ME3: variants seen among roughly 807,000 people sequenced by gnomAD.
ME3 encodes NADP-dependent malic enzyme, mitochondrial.
ME3 carries 48 observed loss-of-function variants against 68.9 expected under a neutral mutation model. The observed-to-expected ratio is 0.70, with a 90% CI of 0.55 to 0.89. The LOEUF is 0.89. Ranked by LOEUF, ME3 falls within the 40% of genes least tolerant of loss-of-function variation. The probability of loss-of-function intolerance (pLI) is 0.00; values close to 1 mark genes in which losing one functional copy is unlikely to be tolerated. For missense variants in ME3, 675 were observed against 797.4 expected, an observed-to-expected ratio of 0.85 and a Z score of 1.85; for synonymous variants, 320 against 318.8, an observed-to-expected ratio of 1.00 and a Z score of -0.04.
chr11:86,639,992 G>A (rs369786130), intron 2 of ME3, among the ~76,000 whole-genome samples: 1 of 152,176 alleles, frequency 6.6e-6, no homozygotes, highest in Admixed American at 6.5e-5. Context: ...CTATTGGGCA[G>A]AGAGTGGAGG....
chr11:86,634,738 G>T (rs1244097689), intron 2 of ME3, among the ~76,000 whole-genome samples: 3 of 152,136 alleles, frequency 2.0e-5, no homozygotes. Flanking sequence ...AAACATCATA[G>T]ATAGCAGCTG....
intron 4 of ME3, among the ~76,000 whole-genome samples, chr11:86,524,820 T>A (rs930932244): frequency 6.6e-6 from 1 of 152,190 alleles, no homozygotes; most frequent in African/African-American, 2.4e-5. Context: ...CCTGGAATTA[T>A]ATGTCTGAAA....
rs534163503 is a variant in ME3 at position 86,485,914 on chromosome 11, A to G, written c.809+1423T>C. ...GTTAAATTCATAAACAGTAACCCCA[A>G]GGGGGCCCAGAGAGCTGCCCAGTGA... On this transcript the variant is annotated intron_variant, in intron 7 of 14. Transcript: ENST00000543262. Among the ~76,000 whole-genome samples the G allele has an allele frequency of 2.0e-5, 3 of 152,326 alleles. No homozygotes were observed. The East Asian group carries it at 5.8e-4, about 29-fold the overall frequency.
At chr11:86,535,127 G>T (rs1029783969) in intron 4 of ME3, among the ~76,000 whole-genome samples, 1 of 152,104 alleles carries the variant, frequency 6.6e-6, no homozygotes, top group Non-Finnish European at 1.5e-5. Context: ...CATTTTACCT[G>T]TATTTGTCCT....
chr11:86,587,540 G>C (rs536422742), intron 2 of ME3, among the ~76,000 whole-genome samples: 1 of 152,296 alleles, frequency 6.6e-6, no homozygotes, highest in South Asian at 2.1e-4. Context: ...CATCCCTGAG[G>C]CCTAACTCGA....
chr11:86,550,934 G>T (rs1053339730), intron 4 of ME3, among the ~76,000 whole-genome samples: 4 of 152,064 alleles, frequency 2.6e-5, no homozygotes, highest in South Asian at 2.1e-4. Flanking sequence ...GGAAGCAGAG[G>T]TGTGTAATTC....
At chr11:86,546,678 G>T (rs1325879193) in intron 4 of ME3, among the ~76,000 whole-genome samples, 1 of 152,206 alleles carries the variant, frequency 6.6e-6, no homozygotes, top group African/African-American at 2.4e-5. Context: ...AGATGCTGGA[G>T]AGGATATGGA....
chr11:86,622,940 G>A (rs1943437043), intron 2 of ME3: 3 of 150,536 alleles, frequency 2.0e-5, no homozygotes, highest in African/African-American at 7.5e-5. Flanking sequence ...ACCTCTTATT[G>A]GGAGAATGAC....
chr11:86,465,205 G>A lies in ME3; in HGVS notation c.810-5C>T. ...ATGAGGCAATTTATTCCAAACCTGT[G>A]TGGAGGGAGAGGAAGAAACCCATGA... On this transcript the variant is annotated splice_region_variant and splice_polypyrimidine_tract_variant and intron_variant, in intron 7 of 14. Transcript: ENST00000543262. 1.2e-6 allele frequency: 2 copies of A among 1,603,506 alleles called. No individual in the cohort carries two copies. The highest frequency in any genetic ancestry group is 1.1e-5 in the South Asian group (1 of 90,854).
intron 2 of ME3, among the ~76,000 whole-genome samples, chr11:86,666,030 TTGAC>T (rs1946568264): frequency 6.6e-6 from 1 of 152,118 alleles, no homozygotes; most frequent in Non-Finnish European, 1.5e-5. Context: ...TGGGGTAAAA[TTGAC>T]AGAGTGAAAC....
At chr11:86,592,231 G>C (rs562920867) in intron 2 of ME3, among the ~76,000 whole-genome samples, 1 of 152,290 alleles carries the variant, frequency 6.6e-6, no homozygotes, top group Admixed American at 6.5e-5. Flanking sequence ...GAACAAGAAT[G>C]TCCCTGGGTT....
intron 4 of ME3, among the ~76,000 whole-genome samples, chr11:86,542,407 G>C (rs978221083): frequency 6.6e-6 from 1 of 152,012 alleles, no homozygotes; most frequent in Admixed American, 6.6e-5. Context: ...TAAGAACCTT[G>C]AAAAAAAGTT....
intron 5 of ME3, among the ~76,000 whole-genome samples, chr11:86,499,377 T>A (rs1440634017): frequency 1.3e-5 from 2 of 152,152 alleles, no homozygotes; most frequent in Admixed American, 1.3e-4. Flanking sequence ...GCACTAGCTA[T>A]CTCTATCTCT....
intron 2 of ME3, among the ~76,000 whole-genome samples, chr11:86,592,078 A>G (rs977384909): frequency 2.0e-5 from 3 of 152,232 alleles, no homozygotes; most frequent in African/African-American, 7.2e-5. Flanking sequence ...GTCTAAGAGA[A>G]AAAAGTCACC....
intron 4 of ME3, 114 bp downstream of exon 4, chr11:86,556,439 C>A (rs1293926640): frequency 3.1e-6 from 4 of 1,284,722 alleles, no homozygotes; most frequent in Non-Finnish European, 4.2e-6. Context: ...TTTGTTGGAC[C>A]ACTGACCCAA....
At chr11:86,615,189 C>A (rs555604953) in intron 2 of ME3, among the ~76,000 whole-genome samples, 2 of 152,214 alleles carry the variant, frequency 1.3e-5, no homozygotes, top group African/African-American at 2.4e-5. Flanking sequence ...CCGGACCCTA[C>A]ACATATTTTT....
intron 10 of ME3, among the ~76,000 whole-genome samples, chr11:86,449,545 A>T (rs1187896208): frequency 6.6e-6 from 1 of 152,196 alleles, no homozygotes; most frequent in Admixed American, 6.5e-5. Flanking sequence ...ATGTGGAAAA[A>T]CAGAGGAGAG....
chr11:86,571,331 C>T (rs2139549060), intron 2 of ME3, among the ~76,000 whole-genome samples: 1 of 152,282 alleles, frequency 6.6e-6, no homozygotes, highest in South Asian at 2.1e-4. Context: ...CTTGGGGAAC[C>T]AGCAATGGAA....
At chr11:86,553,961 C>G (rs1053798374) in intron 4 of ME3, among the ~76,000 whole-genome samples, 1 of 152,162 alleles carries the variant, frequency 6.6e-6, no homozygotes, top group Non-Finnish European at 1.5e-5. Context: ...TGGTTATAAA[C>G]TATGTGTGAC....
Sources: gnomAD v4.1 joint callset for allele counts (sites outside exome capture counted in the v4.1 genomes callset) on GRCh38, gnomAD v4.1.1 for gene constraint, MANE v1.5 for transcripts, NCBI Gene and HGNC (gene_info 2026-07-23, HGNC 2026-07-21) for gene names.